Variants in HM13 observed in about 807,000 individuals in gnomAD.
HM13 encodes the protein histocompatibility minor 13.
Under a neutral mutation model 50.0 loss-of-function variants are expected in HM13, and 18 were observed. The observed-to-expected ratio is 0.36, with a 90% CI of 0.25 to 0.53. The LOEUF (loss-of-function observed/expected upper bound fraction) is 0.53, where lower values mean the gene tolerates loss of function less well. Among genes scored for constraint, HM13 ranks in the 20% least tolerant of loss-of-function variants. HM13 has a pLI of 0.90. For missense variants in HM13, 393 were observed against 552.4 expected, an observed-to-expected ratio of 0.71 and a Z score of 2.89; for synonymous variants, 197 against 232.6, an observed-to-expected ratio of 0.85 and a Z score of 1.39.
intron 7 of HM13, among the ~76,000 whole-genome samples, chr20:31,551,116 C>T (rs1984015005): frequency 6.6e-6 from 1 of 152,054 alleles, no homozygotes; most frequent in Non-Finnish European, 1.5e-5. Context: ...GCAAATATTC[C>T]AGAATTCAAA....
At chr20:31,529,649 C>T (rs1982696544) in intron 2 of HM13, among the ~76,000 whole-genome samples, 2 of 152,122 alleles carry the variant, frequency 1.3e-5, no homozygotes, top group African/African-American at 4.8e-5. Context: ...GACGCAGTGG[C>T]CCACACCTGT....
intron 7 of HM13, among the ~76,000 whole-genome samples, chr20:31,552,837 G>A (rs1984101173): frequency 6.6e-6 from 1 of 152,130 alleles, no homozygotes; most frequent in African/African-American, 2.4e-5. Flanking sequence ...ACCTATCCAT[G>A]TATTAGGGAA....
intron 2 of HM13, among the ~76,000 whole-genome samples, chr20:31,530,151 C>A (rs1410563727): frequency 1.3e-5 from 2 of 151,904 alleles, no homozygotes; most frequent in African/African-American, 4.8e-5. Context: ...TAAACCGATT[C>A]ATCAATAATG....
At chr20:31,540,784 A>G (rs1983404225) in intron 3 of HM13, 1 of 152,110 alleles carries the variant, frequency 6.6e-6, no homozygotes, top group Non-Finnish European at 1.5e-5. Flanking sequence ...TGAGGTCAGG[A>G]GTTCAAGACC....
intron 8 of HM13, among the ~76,000 whole-genome samples, chr20:31,558,728 G>A (rs371595868): frequency 6.6e-6 from 1 of 151,692 alleles, no homozygotes; most frequent in East Asian, 1.9e-4. Flanking sequence ...TCATTTTGGG[G>A]TTTTTTGTAT....
intron 2 of HM13, among the ~76,000 whole-genome samples, chr20:31,529,892 G>A (rs545748021): frequency 2.0e-3 from 305 of 152,184 alleles, no homozygotes; most frequent in Non-Finnish European, 3.4e-3. Context: ...GCTTGAACCC[G>A]GGAGGCAGAG....
At chr20:31,518,115 A>T (rs1981913931) in intron 1 of HM13, among the ~76,000 whole-genome samples, 1 of 149,576 alleles carries the variant, frequency 6.7e-6, no homozygotes, top group Non-Finnish European at 1.5e-5. Context: ...GGCTCATTGC[A>T]ACTTCTGCCT....
intron 12 of HM13, 63 bp from the exon 13 acceptor site, chr20:31,569,057 C>A: frequency 8.3e-7 from 1 of 1,208,768 alleles, no homozygotes; most frequent in African/African-American, 1.6e-5. Flanking sequence ...AGGGGACAAC[C>A]AAGGTTCTGC....
At chr20:31,523,133 C>G (rs1478513178) in intron 1 of HM13, among the ~76,000 whole-genome samples, 3 of 151,752 alleles carry the variant, frequency 2.0e-5, no homozygotes, top group Non-Finnish European at 4.4e-5. Flanking sequence ...TCACTACGGC[C>G]TCCACCTCCC....
chr20:31,518,664 A>G (rs906799321), intron 1 of HM13, among the ~76,000 whole-genome samples: 24 of 151,702 alleles, frequency 1.6e-4, no homozygotes, highest in African/African-American at 5.8e-4. Flanking sequence ...TAATAATAAT[A>G]ATATGTTTCA....
rs996685875 is a variant in HM13, at chr20:31,554,750, G to A, written c.729G>A (p.Val243=). ...CATTCCCGCCTCCCGCTTCAGTGGTGTTTCCCCAGGATCTGCTGGAGAAAG... is the reference window on the plus strand; with the variant it reads ...CATTCCCGCCTCCCGCTTCAGTGGTATTTCCCCAGGATCTGCTGGAGAAAG... ...AKSFEAPIKL[V]FPQDLLEKGL... Residue 243 remains valine (V), a synonymous_variant, in exon 8 of 13, where the codon GTG becomes GTA. Coordinates refer to ENST00000398174, the MANE Select transcript of HM13 (RefSeq NM_178581.3). 6.2e-7 allele frequency: 1 copy of A among 1,613,794 alleles called. No individual in the cohort carries two copies. Among genetic ancestry groups the A allele is most frequent in the African/African-American group, 1.3e-5 (1 of 75,040 alleles).
chr20:31,519,762 C>T (rs189985423), intron 1 of HM13, among the ~76,000 whole-genome samples: 16 of 151,792 alleles, frequency 1.1e-4, no homozygotes, highest in African/African-American at 2.7e-4. Context: ...AAATTAATAA[C>T]ATTATACATT....
chr20:31,547,151 G>A (rs957410577), intron 4 of HM13, among the ~76,000 whole-genome samples: 1 of 152,188 alleles, frequency 6.6e-6, no homozygotes, highest in Non-Finnish European at 1.5e-5. Flanking sequence ...TGTCCAGTTA[G>A]AACTAACTCA....
At chr20:31,530,111 G>A (rs976083865) in intron 2 of HM13, among the ~76,000 whole-genome samples, 2 of 152,086 alleles carry the variant, frequency 1.3e-5, no homozygotes, top group Non-Finnish European at 2.9e-5. Context: ...GCAACATAGT[G>A]AGACCCCATC....
Position 31,550,011 on chromosome 20 carries a change from T to TC in HM13, c.667-47dup, listed in dbSNP as rs1408921109. 9.0e-6 allele frequency: 12 copies of TC among 1,336,504 alleles called. No homozygotes were observed. In the South Asian group the frequency reaches 9.4e-5, roughly 10 times the overall value. 82.8% of individuals were successfully genotyped at this position (1,336,504 alleles called of 1,614,324 possible). ...CTAGAAGCCCAGGGACAGCCATTCT[T>TC]CCCCCCACAGCCCCTCACTTCCCTT... On this transcript the variant is annotated intron_variant, in intron 6 of 12. Coordinates refer to ENST00000398174, the MANE Select transcript of HM13 (RefSeq NM_178581.3).
At chr20:31,562,845 T>C (rs2122658447) in intron 10 of HM13, among the ~76,000 whole-genome samples, 1 of 152,294 alleles carries the variant, frequency 6.6e-6, no homozygotes, top group South Asian at 2.1e-4. Context: ...CTCAAGGGCT[T>C]CAATGGCGTG....
intron 7 of HM13, among the ~76,000 whole-genome samples, chr20:31,551,792 C>G (rs926820682): frequency 4.6e-5 from 7 of 152,186 alleles, no homozygotes; most frequent in African/African-American, 1.7e-4. Flanking sequence ...TTTCTCGTGA[C>G]TCACTCTACC....
intron 1 of HM13, among the ~76,000 whole-genome samples, chr20:31,518,667 A>AATG (rs1180020980): frequency 6.6e-6 from 1 of 151,604 alleles, no homozygotes; most frequent in African/African-American, 2.4e-5. Flanking sequence ...TAATAATAAT[A>AATG]TGTTTCATTA....
chr20:31,561,648 C>A lies in HM13; in HGVS notation c.860C>A (p.Thr287Asn). 1.2e-6 allele frequency: 2 copies of A among 1,612,366 alleles called. No individual in the cohort carries two copies. The highest frequency in any genetic ancestry group is 1.7e-6 in the Non-Finnish European group (2 of 1,178,336). ...LRFDISLKKN[T>N]HTYFYTSFAA... ...CTTCCCTGCAGCTTGAAGAAGAATA[C>A]CCACACCTACTTCTACACCAGCTTT... is the stretch of plus-strand genomic sequence containing the variant. The change falls in exon 10 of 13, where the codon ACC (threonine) becomes AAC (asparagine). Residue 287 changes from threonine to asparagine, a missense_variant. Thr to Asn is a moderately conservative substitution (Grantham distance 65). This residue lies in a region of HM13 where 74 missense variants were observed against 160.4 expected (regional missense o/e 0.46). Coordinates refer to ENST00000398174, the MANE Select transcript of HM13 (RefSeq NM_178581.3).
Sources: gnomAD v4.1 joint callset for allele counts (sites outside exome capture counted in the v4.1 genomes callset) on GRCh38, gnomAD v4.1.1 for gene constraint, gnomAD v4.1.1 regional missense constraint, MANE v1.5 for transcripts, NCBI Gene and HGNC (gene_info 2026-07-23, HGNC 2026-07-21) for gene names.